The following HMCN2 variants were observed in gnomAD, a reference collection of about 807,000 sequenced individuals.
The protein encoded by HMCN2 is hemicentin-2.
In HMCN2, 325 loss-of-function variants were observed where a neutral mutation model predicts 377.5. That is an observed-to-expected ratio of 0.86 (90% confidence interval 0.79 to 0.94). The LOEUF is 0.94. HMCN2 is among the 40% of genes least tolerant of loss of function. HMCN2 has a pLI of 0.00. For missense variants in HMCN2, 4,543 were observed against 4,725.3 expected, an observed-to-expected ratio of 0.96 and a Z score of 1.13; for synonymous variants, 2,007 against 2,046.8, an observed-to-expected ratio of 0.98 and a Z score of 0.53.
intron 11 of HMCN2, 86 bp from the exon 12 acceptor site, chr9:130,306,043 G>A (rs1836832640): frequency 2.3e-6 from 1 of 442,072 alleles, no homozygotes; most frequent in African/African-American, 2.0e-5. Flanking sequence ...GTGACTATGG[G>A]AGGGGAAGAG....
chr9:130,418,212 A>AGAAGACT (rs1275152260), intron 85 of HMCN2, among the ~76,000 whole-genome samples: 1 of 152,200 alleles, frequency 6.6e-6, no homozygotes, highest in Non-Finnish European at 1.5e-5. Context: ...CCTAGCCACT[A>AGAAGACT]ACAACAGATA....
chr9:130,410,923 G>T (rs7859010), intron 85 of HMCN2, among the ~76,000 whole-genome samples: 46,012 of 151,954 alleles, frequency 0.3, 8,358 homozygotes, highest in African/African-American at 0.51. Flanking sequence ...GACAGCTCTC[G>T]CATGTGCCAA....
At position 130,289,923 on chromosome 9, in the gene HMCN2, C is replaced by A. The variant is rs540547924; in HGVS notation, c.612+3613C>A. ...CCTCGGGGGCCCATTCGCCCCCTGGCTTTCCTTCCCTGCTTCCTCAGCCGC... is the reference window on the plus strand; with the variant it reads ...CCTCGGGGGCCCATTCGCCCCCTGGATTTCCTTCCCTGCTTCCTCAGCCGC... On this transcript the variant is annotated intron_variant, in intron 4 of 97. Coordinates refer to ENST00000683500, the MANE Select transcript of HMCN2 (RefSeq NM_001291815.2). Among the ~76,000 whole-genome samples the A allele has an allele frequency of 3.9e-5, 6 of 152,348 alleles. No homozygotes were observed. The East Asian group carries it at 1.2e-3, about 29-fold the overall frequency.
Position 130,303,465 on chromosome 9 carries a change from TC to T in HMCN2, c.1422-19del. On this transcript the variant is annotated intron_variant, in intron 9 of 97. Transcript: ENST00000683500. The surrounding 1 kb of genome is among the most constrained non-coding windows in gnomAD (Gnocchi z 5.2). ...GTGGGGGTCAGTGTGATTGTGTGTC[TC>T]CCACTGTTCCCTGTTTGCAGGGAGT... 1 of 439,958 alleles carries T rather than the reference TC, an allele frequency of 2.3e-6. No homozygotes were observed. The highest frequency in any genetic ancestry group is 4.8e-6 in the Non-Finnish European group (1 of 209,082). The allele number at this position is 439,958 out of a possible 1,614,324, so 27.3% of individuals were successfully genotyped here.
chr9:130,384,403 A>G lies in HMCN2; in HGVS notation c.8861A>G (p.Glu2954Gly), dbSNP rs1841903065. 1 of 1,302,690 alleles carries G rather than the reference A, an allele frequency of 7.7e-7. No individual in the cohort carries two copies. The highest frequency in any genetic ancestry group is 1.5e-5 in the African/African-American group (1 of 65,766). The allele number at this position is 1,302,690 out of a possible 1,614,324, so 80.7% of individuals were successfully genotyped here. The change falls in exon 58 of 98, where the codon GAG (glutamate) becomes GGG (glycine). Residue 2954 changes from glutamate to glycine, a missense_variant. Glu to Gly is a moderately conservative substitution (Grantham distance 98). This residue lies in a region of HMCN2 where 736 missense variants were observed against 773.2 expected (regional missense o/e 0.95). Coordinates refer to ENST00000683500, the MANE Select transcript of HMCN2 (RefSeq NM_001291815.2). ...CCACGAATCGCAGGCCTGGACTTGG[A>G]GCAGGTCACTGCCATCCTCAACAGC... ...VPPRIAGLDL[E>G]QVTAILNSSV...
rs1840802561 is a variant in HMCN2, at chr9:130,368,246, G to A, written c.6626-30G>A. On this transcript the variant is annotated intron_variant, in intron 43 of 97. Coordinates refer to ENST00000683500, the MANE Select transcript of HMCN2 (RefSeq NM_001291815.2). ...ACATCACGTCCTTGCAAATGCCCTG[G>A]ACCAGGAGTTTCTTTTTTCCTGCAC... 10 of 985,310 alleles carry A rather than the reference G, an allele frequency of 1.0e-5. 1 individual carries two copies. The South Asian group carries it at 3.8e-4, about 37-fold the overall frequency. 61.0% of individuals were successfully genotyped at this position (985,310 alleles called of 1,614,324 possible). A position where few individuals can be genotyped will look rare whatever the true frequency, so the allele number is the denominator to read the frequency against.
At chr9:130,273,249 T>G (rs782672786) in intron 1 of HMCN2, among the ~76,000 whole-genome samples, 2 of 152,166 alleles carry the variant, frequency 1.3e-5, no homozygotes, top group Admixed American at 6.5e-5. Context: ...GCTAGTATGT[T>G]GGAAAGGAAT....
intron 70 of HMCN2, 30 bp downstream of exon 70, chr9:130,395,138 G>GGC: frequency 1.7e-6 from 1 of 587,036 alleles, no homozygotes; most frequent in South Asian, 1.9e-5. Flanking sequence ...TGGGGGCAGG[G>GGC]CCGGGAGGCA....
rs369270451 is a variant in HMCN2 at position 130,271,019 on chromosome 9, T to C, written c.259+4882T>C. Among the ~76,000 whole-genome samples the C allele has an allele frequency of 8.0e-4, 120 of 149,214 alleles. 1 individual carries two copies. The highest frequency in any genetic ancestry group is 2.8e-3 in the African/African-American group (116 of 41,350). On this transcript the variant is annotated intron_variant, in intron 1 of 97. Transcript: ENST00000683500. The stretch of plus-strand genomic sequence containing the variant: ...TGAAATTGACAGTTTTGAGGAATAC[T>C]GGTCAGCTCTTTTCCCTCAGTCATT...
At chr9:130,401,313 T>G (rs1021173929) in intron 77 of HMCN2, among the ~76,000 whole-genome samples, 1 of 152,178 alleles carries the variant, frequency 6.6e-6, no homozygotes, top group Non-Finnish European at 1.5e-5. Flanking sequence ...TTGATGATAT[T>G]AAGATAATAG....
intron 54 of HMCN2, among the ~76,000 whole-genome samples, chr9:130,379,980 A>G (rs1841617914): frequency 6.6e-6 from 1 of 152,034 alleles, no homozygotes; most frequent in African/African-American, 2.4e-5. Context: ...GGTTCAAGTG[A>G]TTCTCCTGCC....
intron 95 of HMCN2, 160 bp from the exon 96 acceptor site, chr9:130,431,206 TC>T (rs989525230): frequency 4.3e-5 from 30 of 704,590 alleles, no homozygotes; most frequent in Non-Finnish European, 5.6e-5. Context: ...GCACAGGGAC[TC>T]CCCCAACCCC....
intron 54 of HMCN2, among the ~76,000 whole-genome samples, chr9:130,381,369 A>C (rs10736861): frequency 0.75 from 113,097 of 151,650 alleles, 43,889 homozygotes; most frequent in East Asian, 0.87. Context: ...CTGGCCTTGG[A>C]TGGCTCTTTT....
At chr9:130,373,730 TAGGTA>T (rs1172779326) in intron 48 of HMCN2, among the ~76,000 whole-genome samples, 14 of 62,442 alleles carry the variant, frequency 2.2e-4, no homozygotes, top group African/African-American at 3.8e-4. Context: ...GATGGATGGA[TAGGTA>T]GGTGGATGGA....
chr9:130,355,752 C>G lies in HMCN2; in HGVS notation c.5153C>G (p.Pro1718Arg), dbSNP rs1000769946. Residue 1718 changes from proline (P) to arginine (R), a missense_variant, in exon 33 of 98, where the codon CCA (proline) becomes CGA (arginine). Transcript: ENST00000683500. ...LQYSVEVQVPPQLLVAEGLGQ... is the reference protein window; with the variant it reads ...LQYSVEVQVPRQLLVAEGLGQ... ...GAGTGTGTTCTGCCTGCAGTGCCCCCACAGCTCCTGGTGGCTGAAGGCTTG... is the reference window on the plus strand; with the variant it reads ...GAGTGTGTTCTGCCTGCAGTGCCCCGACAGCTCCTGGTGGCTGAAGGCTTG... The G allele has an allele frequency of 1.5e-6, 2 of 1,302,952 alleles. No homozygotes were observed. The highest frequency in any genetic ancestry group is 2.0e-6 in the Non-Finnish European group (2 of 988,666). 80.7% of individuals were successfully genotyped at this position (1,302,952 alleles called of 1,614,324 possible).
intron 31 of HMCN2, 127 bp from the exon 32 acceptor site, chr9:130,354,636 G>A: frequency 1.2e-6 from 1 of 811,160 alleles, no homozygotes; most frequent in Non-Finnish European, 1.7e-6. Flanking sequence ...AGCCACTGGA[G>A]GTGAGGGAAG....
chr9:130,400,014 C>T (rs1457116147), intron 76 of HMCN2, among the ~76,000 whole-genome samples: 1 of 152,260 alleles, frequency 6.6e-6, no homozygotes, highest in Non-Finnish European at 1.5e-5. Flanking sequence ...TCACGCCAGA[C>T]CTGCCTCATT....
In HMCN2 at chr9:130,394,433, C is replaced by T; in HGVS notation, c.10550C>T (p.Thr3517Ile). ...DSGQPTELSL[T>I]PGAPMELLCD... Reference sequence around the variant, plus strand: ...GGCCAGCCTACAGAGCTGTCGCTGACCCCCGGCGCCCCCATGGAGCTCCTC... The same window carrying T: ...GGCCAGCCTACAGAGCTGTCGCTGATCCCCGGCGCCCCCATGGAGCTCCTC... Residue 3517 changes from threonine (T) to isoleucine (I), a missense_variant, in exon 69 of 98, where the codon ACC becomes ATC. Around this residue, in one of 5 missense-constraint regions of HMCN2, gnomAD observed 1,073 missense variants for 1,319.5 expected, o/e 0.81. Coordinates refer to ENST00000683500, the MANE Select transcript of HMCN2 (RefSeq NM_001291815.2). This position sits in a 1 kb window ranked among gnomAD's most constrained non-coding sequence, Gnocchi z 5.1. 1.6e-6 allele frequency: 2 copies of T among 1,289,450 alleles called. No individual in the cohort carries two copies. Among genetic ancestry groups the T allele is most frequent in the African/African-American group, 1.5e-5 (1 of 65,988 alleles). The allele number at this position is 1,289,450 out of a possible 1,614,324, so 79.9% of individuals were successfully genotyped here. A position where few individuals can be genotyped will look rare whatever the true frequency, so the allele number is the denominator to read the frequency against.
Position 130,406,268 on chromosome 9 carries a change from G to A in HMCN2, c.12553+100G>A, listed in dbSNP as rs771346039. On this transcript the variant is annotated intron_variant, in intron 82 of 97. Coordinates refer to ENST00000683500, the MANE Select transcript of HMCN2 (RefSeq NM_001291815.2). The stretch of plus-strand genomic sequence containing the variant: ...GACCCAACCTAGTGGAAAGGAAGAG[G>A]TTGTCAGCCAGCCCTGTTGGTTCTG... The A allele has an allele frequency of 1.4e-5, 15 of 1,040,026 alleles. No homozygotes were observed. The African/African-American group carries it at 2.3e-4, about 16-fold the overall frequency. The allele number at this position is 1,040,026 out of a possible 1,614,324, so 64.4% of individuals were successfully genotyped here. A position where few individuals can be genotyped will look rare whatever the true frequency, so the allele number is the denominator to read the frequency against.
Sources: allele counts gnomAD v4.1 joint callset (sites outside exome capture counted in the v4.1 genomes callset), GRCh38; gene constraint gnomAD v4.1.1; regional missense constraint gnomAD v4.1.1; non-coding constraint Gnocchi (gnomAD v3.1); transcripts MANE v1.5; gene names NCBI Gene and HGNC (gene_info 2026-07-23, HGNC 2026-07-21).